AFG2A: variants seen among roughly 807,000 people sequenced by gnomAD.
The protein encoded by AFG2A is AAA ATPase AFG2A.
the AFG2A span, among the ~76,000 whole-genome samples, chr4:123,023,167 C>T: frequency 6.7e-6 from 1 of 150,060 alleles, no homozygotes; most frequent in African/African-American, 2.5e-5. Flanking sequence ...CACATGTACC[C>T]TAAAACTTAA....
the AFG2A span, among the ~76,000 whole-genome samples, chr4:122,968,251 A>G: frequency 1.3e-5 from 2 of 151,830 alleles, no homozygotes; most frequent in African/African-American, 4.8e-5. Context: ...GTTTTTTTTT[A>G]CTTGCGCCAC....
At chr4:123,190,258 G>A in the AFG2A span, among the ~76,000 whole-genome samples, 1 of 152,198 alleles carries the variant, frequency 6.6e-6, no homozygotes, top group East Asian at 1.9e-4. Context: ...ACGGTAGCAG[G>A]TGATGTGGTG....
At chr4:123,280,127 C>A in the AFG2A span, among the ~76,000 whole-genome samples, 1 of 152,080 alleles carries the variant, frequency 6.6e-6, no homozygotes, top group African/African-American at 2.4e-5. Flanking sequence ...ACCTGGGTTC[C>A]AATCCTAGCT....
chr4:123,313,575 G>C, the AFG2A span, among the ~76,000 whole-genome samples: 100 of 152,316 alleles, frequency 6.6e-4, 1 homozygote, highest in African/African-American at 2.3e-3. Flanking sequence ...GTATGTGCGT[G>C]CACAGCTACC....
At chr4:123,226,679 G>C in the AFG2A span, among the ~76,000 whole-genome samples, 3 of 151,838 alleles carry the variant, frequency 2.0e-5, no homozygotes, top group South Asian at 2.1e-4. Flanking sequence ...CTCTTTTTTT[G>C]TTGTGTCTCT....
At chr4:122,996,645 A>G in the AFG2A span, among the ~76,000 whole-genome samples, 3 of 151,398 alleles carry the variant, frequency 2.0e-5, no homozygotes, top group African/African-American at 7.3e-5. Flanking sequence ...TTATTAGGGG[A>G]ATTGGCTCAC....
chr4:123,061,119 A>G, the AFG2A span, among the ~76,000 whole-genome samples: 3 of 152,182 alleles, frequency 2.0e-5, no homozygotes, highest in African/African-American at 4.8e-5. Context: ...ACACGTCTCT[A>G]GGAAGTTCCA....
At chr4:123,307,742 T>C in the AFG2A span, among the ~76,000 whole-genome samples, 1 of 152,238 alleles carries the variant, frequency 6.6e-6, no homozygotes, top group Non-Finnish European at 1.5e-5. Flanking sequence ...AGATACATAA[T>C]GGTGGTCCCA....
the AFG2A span, among the ~76,000 whole-genome samples, chr4:123,217,634 C>A: frequency 1.3e-5 from 2 of 152,018 alleles, no homozygotes; most frequent in Non-Finnish European, 2.9e-5. Context: ...TGTGTCATAC[C>A]CCTTCCACCC....
chr4:122,928,765 C>T, the AFG2A span, among the ~76,000 whole-genome samples: 3 of 152,060 alleles, frequency 2.0e-5, no homozygotes, highest in Non-Finnish European at 4.4e-5. Flanking sequence ...TTTTTCATAT[C>T]TTCTACCGTC....
chr4:123,182,209 A>G, the AFG2A span, among the ~76,000 whole-genome samples: 2 of 152,216 alleles, frequency 1.3e-5, no homozygotes, highest in African/African-American at 2.4e-5. Flanking sequence ...TTTAAACTAC[A>G]TGTTTTCATA....
chr4:123,290,026 G>T, the AFG2A span, among the ~76,000 whole-genome samples: 3 of 151,896 alleles, frequency 2.0e-5, no homozygotes, highest in South Asian at 6.2e-4. Flanking sequence ...CCTCCAATAG[G>T]CCTACTTTTT....
At chr4:123,159,195 G>A in the AFG2A span, among the ~76,000 whole-genome samples, 3 of 152,082 alleles carry the variant, frequency 2.0e-5, no homozygotes, top group Non-Finnish European at 4.4e-5. Flanking sequence ...AATTCTGAAG[G>A]ATTTATAGAT....
At chr4:123,187,248 C>T in the AFG2A span, among the ~76,000 whole-genome samples, 1 of 152,310 alleles carries the variant, frequency 6.6e-6, no homozygotes, top group East Asian at 1.9e-4. Flanking sequence ...CGAAATAGCT[C>T]TTCACAGCTA....
chr4:123,046,638 C>T, the AFG2A span, among the ~76,000 whole-genome samples: 19 of 152,050 alleles, frequency 1.2e-4, no homozygotes, highest in Non-Finnish European at 2.6e-4. Flanking sequence ...TTCTTGGTTT[C>T]GGGAACATTA....
At chr4:123,034,304 A>G in the AFG2A span, among the ~76,000 whole-genome samples, 1 of 152,114 alleles carries the variant, frequency 6.6e-6, no homozygotes, top group East Asian at 1.9e-4. Context: ...AAATGACTAT[A>G]TATACCCTTG....
chr4:122,961,326 C>T, the AFG2A span, among the ~76,000 whole-genome samples: 1 of 152,106 alleles, frequency 6.6e-6, no homozygotes, highest in African/African-American at 2.4e-5. Flanking sequence ...TGGATTTTGG[C>T]AATTTTTCTG....
chr4:123,217,877 G>A, the AFG2A span, among the ~76,000 whole-genome samples: 2 of 152,108 alleles, frequency 1.3e-5, no homozygotes, highest in Non-Finnish European at 2.9e-5. Context: ...CACTGAGAAG[G>A]AAATGACATA....
chr4:122,967,757 C>A, the AFG2A span, among the ~76,000 whole-genome samples: 1 of 152,054 alleles, frequency 6.6e-6, no homozygotes, highest in African/African-American at 2.4e-5. Context: ...CCCACCTTGG[C>A]CTCCTGAAGT....
Sources: gnomAD v4.1 joint callset for allele counts (sites outside exome capture counted in the v4.1 genomes callset) on GRCh38, gnomAD v4.1.1 for gene constraint, MANE v1.5 for transcripts, NCBI Gene and HGNC (gene_info 2026-07-23, HGNC 2026-07-21) for gene names.